Variants in DNAH3 observed in about 807,000 individuals in gnomAD.
DNAH3 encodes dynein axonemal heavy chain 3, also known as axonemal beta dynein heavy chain 3.
Under a neutral mutation model 432.5 loss-of-function variants are expected in DNAH3, and 332 were observed. The ratio of observed to expected loss-of-function variants is 0.77; its 90% CI spans 0.70 to 0.84. The LOEUF (loss-of-function observed/expected upper bound fraction) is 0.84. DNAH3 is among the 40% of genes least tolerant of loss of function. The pLI is 0.00. For synonymous variants in DNAH3, 1,956 were observed against 1,900.2 expected (o/e 1.03, Z -0.76); for missense variants, 4,861 against 5,114.0 (o/e 0.95, Z 1.51).
chr16:21,061,406 T>C (rs960271703), intron 25 of DNAH3, among the ~76,000 whole-genome samples: 26 of 151,864 alleles, frequency 1.7e-4, no homozygotes, highest in African/African-American at 6.3e-4. Flanking sequence ...GGCTTTTTAG[T>C]AGAGACAGGG....
intron 59 of DNAH3, 134 bp from the exon 60 acceptor site, chr16:20,936,987 C>G (rs764229478): frequency 7.3e-6 from 5 of 688,230 alleles, no homozygotes; most frequent in Admixed American, 2.9e-5. Context: ...TTAAATCACC[C>G]GTTACCTTGC....
chr16:20,998,554 G>A (rs182157255), intron 43 of DNAH3, among the ~76,000 whole-genome samples: 18 of 152,068 alleles, frequency 1.2e-4, no homozygotes, highest in Middle Eastern at 3.4e-3. Context: ...CACCCAGCCT[G>A]AGCTGGGGTT....
At chr16:20,996,708 T>C (rs1018842075) in intron 44 of DNAH3, among the ~76,000 whole-genome samples, 50 of 152,112 alleles carry the variant, frequency 3.3e-4, no homozygotes, top group African/African-American at 1.2e-3. Flanking sequence ...ATCTACCCGC[T>C]TCGGCCTCCC....
chr16:21,147,060 CCT>C (rs1387010651), intron 1 of DNAH3, among the ~76,000 whole-genome samples: 2 of 151,848 alleles, frequency 1.3e-5, no homozygotes, highest in African/African-American at 4.8e-5. Flanking sequence ...ACGCCCGGCC[CCT>C]GCTTCATTTT....
chr16:20,933,499 T>C, exon 62 of DNAH3: 1 of 1,579,176 alleles, frequency 6.3e-7, no homozygotes, highest in Middle Eastern at 2.0e-4. Flanking sequence ...CTGTTTCTTG[T>C]GGGGTTACCT....
rs1466402803 is a variant in DNAH3 at position 21,156,195 on chromosome 16, ATTTTATTTATTTTAT to A, written c.117+3115_117+3129del. Among the ~76,000 whole-genome samples the A allele has an allele frequency of 6.1e-3, 848 of 140,042 alleles. 6 individuals carry two copies. Among genetic ancestry groups the A allele is most frequent in the Non-Finnish European group, 9.1e-3 (598 of 65,852 alleles). 91.9% of individuals were successfully genotyped at this position (140,042 alleles called of 152,430 possible). On this transcript the variant is annotated intron_variant, in intron 1 of 61. Coordinates refer to ENST00000261383, the Ensembl canonical transcript of DNAH3. Reference sequence around the variant, plus strand: ...ATTTTATTTTATTTTATTTTATTTTATTTTATTTATTTTATTTTATTTTATTTTATTATTTTATTT... The same window carrying A: ...ATTTTATTTTATTTTATTTTATTTTATTTATTTTATTTTATTATTTTATTT...
chr16:21,015,376 C>G (rs895229961), intron 41 of DNAH3, among the ~76,000 whole-genome samples: 1 of 152,034 alleles, frequency 6.6e-6, no homozygotes, highest in African/African-American at 2.4e-5. Context: ...GTAAAAAGAT[C>G]AGTGGTTGCT....
At position 21,061,460 on chromosome 16, in the gene DNAH3, G is replaced by C. The variant is rs2090358101; in HGVS notation, c.3720+1022C>G. 4.6e-5 allele frequency among the ~76,000 whole-genome samples: 7 copies of C among 151,876 alleles called. No homozygotes were observed. The South Asian group carries it at 1.5e-3, about 31-fold the overall frequency. On this transcript the variant is annotated intron_variant, in intron 25 of 61. Coordinates refer to ENST00000261383, the Ensembl canonical transcript of DNAH3. ...GCTGGTCTCAAACTCCTGACCTTAGGTGATCCACCCGCCTCGGCCTCCCAA... is the reference window on the plus strand; with the variant it reads ...GCTGGTCTCAAACTCCTGACCTTAGCTGATCCACCCGCCTCGGCCTCCCAA...
intron 39 of DNAH3, among the ~76,000 whole-genome samples, chr16:21,023,820 G>GT (rs2088390589): frequency 9.1e-6 from 1 of 109,990 alleles, no homozygotes; most frequent in African/African-American, 4.0e-5. Flanking sequence ...TGTGTGTGTG[G>GT]ACTGGCGCTT....
chr16:21,019,594 C>T (rs200470302), intron 41 of DNAH3, 30 bp downstream of exon 41: 2 of 1,612,408 alleles, frequency 1.2e-6, no homozygotes, highest in African/African-American at 1.3e-5. Context: ...AACTATTATA[C>T]TAGAACATAA....
At chr16:21,009,929 A>AGGGGG (rs1370860525) in intron 41 of DNAH3, among the ~76,000 whole-genome samples, 1 of 60,518 alleles carries the variant, frequency 1.7e-5, no homozygotes, top group Non-Finnish European at 3.1e-5. Context: ...AGGGGAGGGG[A>AGGGGG]GGGGAGGGGA....
At chr16:20,982,019 A>AGT (rs1261393968) in intron 49 of DNAH3, among the ~76,000 whole-genome samples, 2 of 147,940 alleles carry the variant, frequency 1.4e-5, no homozygotes, top group African/African-American at 2.5e-5. Context: ...TATATAATTA[A>AGT]GTATATATAT....
At chr16:21,059,887 C>T (rs1172129736) in intron 26 of DNAH3, among the ~76,000 whole-genome samples, 1 of 152,060 alleles carries the variant, frequency 6.6e-6, no homozygotes, top group Non-Finnish European at 1.5e-5. Flanking sequence ...TTACGTCATA[C>T]CTATTTCCCT....
In DNAH3 at chr16:21,054,414, G is replaced by A; in HGVS notation, c.4039+6C>T. Reference sequence around the variant, plus strand: ...CAGTAATGACAGGGGAAGCCCCCTGGCTTACCGTGGACATCGATGACCGTG... The same window carrying A: ...CAGTAATGACAGGGGAAGCCCCCTGACTTACCGTGGACATCGATGACCGTG... On this transcript the variant is annotated splice_donor_region_variant and intron_variant, in intron 28 of 61. Transcript: ENST00000261383. 5 of 1,609,326 alleles carry A rather than the reference G, an allele frequency of 3.1e-6. No individual in the cohort carries two copies. The highest frequency in any genetic ancestry group is 4.3e-6 in the Non-Finnish European group (5 of 1,175,774).
At chr16:21,102,176 C>T (rs79211970) in intron 16 of DNAH3, among the ~76,000 whole-genome samples, 5,547 of 152,166 alleles carry the variant, frequency 0.036, 175 homozygotes, top group East Asian at 0.18. Flanking sequence ...CTTCTAGAGC[C>T]GCCCTCTGCT....
In DNAH3 at chr16:21,099,069, C is replaced by T. The variant is rs535891300; in HGVS notation, c.2367-300G>A. ...TAAATACGTATAAGATATATGTACA[C>T]GTATACATACTGTTTATTCATTCAG... On this transcript the variant is annotated intron_variant, in intron 16 of 61. Coordinates refer to ENST00000261383, the Ensembl canonical transcript of DNAH3. Among the ~76,000 whole-genome samples, 6 of 152,254 alleles carry T rather than the reference C, an allele frequency of 3.9e-5. No individual in the cohort carries two copies. In the East Asian group the frequency reaches 9.6e-4, roughly 24 times the overall value.
At chr16:20,944,137 A>T (rs940575299) in intron 58 of DNAH3, among the ~76,000 whole-genome samples, 2 of 151,142 alleles carry the variant, frequency 1.3e-5, no homozygotes, top group African/African-American at 4.9e-5. Flanking sequence ...TCTGATGTGC[A>T]ATCTTTTAAA....
rs1041034017 is a variant in DNAH3, at chr16:20,948,699, T to C, written c.11189-62A>G. ...GGAAGGTCATCACGAGCTTGGTGGT[T>C]GATGTAAAACACGGCATTCTTCCGG... On this transcript the variant is annotated intron_variant, in intron 56 of 61. Coordinates refer to ENST00000261383, the Ensembl canonical transcript of DNAH3. The C allele has an allele frequency of 5.7e-6, 9 of 1,576,680 alleles. No homozygotes were observed. In the African/African-American group the frequency reaches 9.4e-5, roughly 17 times the overall value.
At chr16:20,936,781 C>T (rs758112425) in exon 60 of DNAH3, 23 of 1,613,500 alleles carry the variant, frequency 1.4e-5, no homozygotes, top group Middle Eastern at 1.7e-4. Context: ...CCTCTAGCTC[C>T]GAGGACATCA....
Sources: allele counts gnomAD v4.1 joint callset (sites outside exome capture counted in the v4.1 genomes callset), GRCh38; gene constraint gnomAD v4.1.1; transcripts MANE v1.5; gene names NCBI Gene and HGNC (gene_info 2026-07-23, HGNC 2026-07-21).